The following ANKS1B variants were observed in gnomAD, a reference collection of about 807,000 sequenced individuals.
ANKS1B encodes ankyrin repeat and sterile alpha motif domain containing 1B.
In ANKS1B, 36 loss-of-function variants were observed where a neutral mutation model predicts 148.3. The observed-to-expected ratio is 0.24, with a 90% CI of 0.19 to 0.32. ANKS1B has a LOEUF of 0.32. ANKS1B is among the 10% of genes least tolerant of loss of function. ANKS1B has a pLI of 1.00. For missense variants in ANKS1B, 1,157 were observed against 1,542.6 expected, an observed-to-expected ratio of 0.75 and a Z score of 4.19; for synonymous variants, 542 against 560.8, an observed-to-expected ratio of 0.97 and a Z score of 0.47.
At chr12:99,572,769 A>G (rs915254262) in intron 9 of ANKS1B, among the ~76,000 whole-genome samples, 2 of 152,066 alleles carry the variant, frequency 1.3e-5, no homozygotes, top group African/African-American at 4.8e-5. Flanking sequence ...ATTTTTGTAA[A>G]TTATAATAAT....
Position 99,052,753 on chromosome 12 carries a change from A to AAAAAAC in ANKS1B, c.2778+403_2778+404insGTTTTT, listed in dbSNP as rs2099967072. Among the ~76,000 whole-genome samples the AAAAAAC allele has an allele frequency of 1.4e-5, 2 of 144,934 alleles. 1 individual carries two copies. The highest frequency in any genetic ancestry group is 1.4e-4 in the Admixed American group (2 of 14,780). On this transcript the variant is annotated intron_variant, in intron 17 of 26. Transcript: ENST00000683438. ...CCGTCTCAAAAAAAAAAAAAAAAAA[A>AAAAAAC]AAAAAGAAATAGAGACAAGGAAACA... is the stretch of plus-strand genomic sequence containing the variant.
At chr12:99,572,614 G>C (rs568578836) in intron 9 of ANKS1B, among the ~76,000 whole-genome samples, 2 of 152,170 alleles carry the variant, frequency 1.3e-5, no homozygotes, top group South Asian at 4.1e-4. Context: ...TTAGGTACTT[G>C]TGGGCTATTC....
intron 8 of ANKS1B, among the ~76,000 whole-genome samples, chr12:99,691,336 T>C (rs1489094466): frequency 6.6e-6 from 1 of 152,204 alleles, no homozygotes; most frequent in Non-Finnish European, 1.5e-5. Context: ...CGTATGCAAA[T>C]TTCTGCATCA....
At chr12:99,371,558 A>C (rs2093134743) in intron 12 of ANKS1B, among the ~76,000 whole-genome samples, 1 of 151,646 alleles carries the variant, frequency 6.6e-6, no homozygotes, top group Non-Finnish European at 1.5e-5. Context: ...CAGTATACAC[A>C]TGTGCACACA....
intron 11 of ANKS1B, 81 bp downstream of exon 11, chr12:99,443,592 C>T: frequency 1.4e-6 from 2 of 1,427,062 alleles, no homozygotes; most frequent in South Asian, 1.3e-5. Flanking sequence ...ACAGTCCAGG[C>T]ATTGCAATAT....
chr12:99,952,696 C>T (rs574971690), intron 1 of ANKS1B, among the ~76,000 whole-genome samples: 4 of 152,198 alleles, frequency 2.6e-5, no homozygotes, highest in South Asian at 2.1e-4. Flanking sequence ...TTTGTGGTGC[C>T]GGGAGTTTCC....
intron 8 of ANKS1B, among the ~76,000 whole-genome samples, chr12:99,742,678 CA>C (rs991783360): frequency 1.9e-4 from 28 of 147,672 alleles, no homozygotes; most frequent in African/African-American, 5.2e-4. Context: ...ACTAAAAATA[CA>C]AAAAAAAAAT....
chr12:99,688,338 A>C (rs1181235585), intron 8 of ANKS1B, among the ~76,000 whole-genome samples: 1 of 152,212 alleles, frequency 6.6e-6, no homozygotes, highest in East Asian at 1.9e-4. Context: ...ACCTTCAAAC[A>C]CATAGGTGGG....
chr12:99,431,794 T>C (rs1445358664), intron 11 of ANKS1B, among the ~76,000 whole-genome samples: 1 of 152,200 alleles, frequency 6.6e-6, no homozygotes, highest in Non-Finnish European at 1.5e-5. Flanking sequence ...CCTATTCTTC[T>C]CCCTGGACTA....
intron 1 of ANKS1B, among the ~76,000 whole-genome samples, chr12:99,885,026 C>T (rs1388258002): frequency 1.3e-5 from 2 of 151,374 alleles, no homozygotes; most frequent in Non-Finnish European, 2.9e-5. Context: ...GCTTTGGTTC[C>T]CCCAATTTTT....
chr12:99,151,331 C>T (rs908823160), intron 15 of ANKS1B, among the ~76,000 whole-genome samples: 1 of 152,028 alleles, frequency 6.6e-6, no homozygotes, highest in Non-Finnish European at 1.5e-5. Context: ...AGTTCTAGAC[C>T]AGCCTGGTCG....
intron 9 of ANKS1B, among the ~76,000 whole-genome samples, chr12:99,570,291 A>G (rs1359272275): frequency 4.6e-5 from 7 of 152,136 alleles, no homozygotes; most frequent in Middle Eastern, 6.8e-3. Context: ...ATAGCAAATG[A>G]TATTAATAAT....
chr12:98,804,242 C>T (rs1329622017), intron 20 of ANKS1B, among the ~76,000 whole-genome samples: 3 of 152,224 alleles, frequency 2.0e-5, no homozygotes, highest in East Asian at 3.9e-4. Context: ...TTGTCAAATT[C>T]CCTACAGGGA....
chr12:98,894,814 G>C, intron 17 of ANKS1B: 3 of 983,832 alleles, frequency 3.0e-6, no homozygotes, highest in African/African-American at 1.8e-5. Flanking sequence ...GGGCGGGAGA[G>C]GCGCGGAGCT....
intron 17 of ANKS1B, among the ~76,000 whole-genome samples, chr12:99,038,571 C>A (rs1304795151): frequency 6.6e-6 from 1 of 152,174 alleles, no homozygotes; most frequent in Admixed American, 6.5e-5. Flanking sequence ...CTGTTTAACA[C>A]CCCTCTGATG....
At chr12:99,606,796 T>A (rs2097854600) in intron 9 of ANKS1B, among the ~76,000 whole-genome samples, 1 of 152,116 alleles carries the variant, frequency 6.6e-6, no homozygotes, top group Non-Finnish European at 1.5e-5. Flanking sequence ...TTTAAATTGA[T>A]CATGGGAAAC....
intron 1 of ANKS1B, among the ~76,000 whole-genome samples, chr12:99,955,267 G>C (rs961180177): frequency 6.6e-6 from 1 of 152,038 alleles, no homozygotes; most frequent in East Asian, 1.9e-4. Flanking sequence ...GTGCACATCA[G>C]AGCAGCCTTT....
intron 1 of ANKS1B, among the ~76,000 whole-genome samples, chr12:99,833,685 A>G (rs1252011874): frequency 1.3e-5 from 2 of 152,212 alleles, no homozygotes; most frequent in Non-Finnish European, 2.9e-5. Context: ...GAAAAGAAAT[A>G]GGAAAATACT....
chr12:99,487,774 T>C (rs2096512094), intron 10 of ANKS1B, among the ~76,000 whole-genome samples: 1 of 152,184 alleles, frequency 6.6e-6, no homozygotes, highest in Admixed American at 6.5e-5. Flanking sequence ...GTTTTATGTG[T>C]GCTTGAAAAG....
Sources: allele counts gnomAD v4.1 joint callset (sites outside exome capture counted in the v4.1 genomes callset), GRCh38; gene constraint gnomAD v4.1.1; transcripts MANE v1.5; gene names NCBI Gene and HGNC (gene_info 2026-07-23, HGNC 2026-07-21).